The following RFX8 variants were observed in gnomAD, a reference collection of about 807,000 sequenced individuals.
RFX8 encodes DNA-binding protein RFX8.
RFX8 carries 46 observed loss-of-function variants against 54.6 expected under a neutral mutation model. The observed-to-expected ratio is 0.84, with a 90% CI of 0.67 to 1.08. The LOEUF is 1.08. Among genes scored for constraint, RFX8 ranks in the 50% least tolerant of loss-of-function variants. RFX8 has a pLI of 0.00. For missense variants in RFX8, 536 were observed against 562.3 expected, an observed-to-expected ratio of 0.95 and a Z score of 0.47; for synonymous variants, 192 against 209.5, an observed-to-expected ratio of 0.92 and a Z score of 0.72.
chr2:101,428,768 A>T (rs116172923), intron 2 of RFX8, among the ~76,000 whole-genome samples: 3,503 of 152,334 alleles, frequency 0.023, 54 homozygotes, highest in Middle Eastern at 0.037. Context: ...AAGGACAGAG[A>T]CTATGTCTGT....
At chr2:101,471,226 C>G (rs907176039) in intron 1 of RFX8, among the ~76,000 whole-genome samples, 14 of 151,860 alleles carry the variant, frequency 9.2e-5, no homozygotes, top group Non-Finnish European at 1.9e-4. Flanking sequence ...CCCAGCTACT[C>G]AGGAGGCTGA....
chr2:101,428,062 G>GC (rs574206997), intron 2 of RFX8, among the ~76,000 whole-genome samples: 202 of 17,370 alleles, frequency 0.012, 1 homozygote, highest in Admixed American at 0.02. Flanking sequence ...GGGAGGCCAA[G>GC]GGGGGCAGAT....
intron 2 of RFX8, among the ~76,000 whole-genome samples, chr2:101,455,093 C>T (rs1688897466): frequency 6.6e-6 from 1 of 150,926 alleles, no homozygotes; most frequent in Admixed American, 6.6e-5. Context: ...TCATTGCTAC[C>T]TCCGCCTCCC....
At chr2:101,440,968 T>A (rs1456658714) in intron 2 of RFX8, among the ~76,000 whole-genome samples, 4 of 90,720 alleles carry the variant, frequency 4.4e-5, no homozygotes, top group African/African-American at 2.0e-4. Context: ...ATGTTGAAAT[T>A]TTTTTTTTTT....
At chr2:101,434,610 AAC>A (rs1687669514) in intron 2 of RFX8, among the ~76,000 whole-genome samples, 1 of 152,168 alleles carries the variant, frequency 6.6e-6, no homozygotes, top group South Asian at 2.1e-4. Flanking sequence ...ATAAAATGAT[AAC>A]AGTTCCCGAT....
At chr2:101,410,299 TAC>T (rs1346548417) in intron 9 of RFX8, among the ~76,000 whole-genome samples, 1 of 150,678 alleles carries the variant, frequency 6.6e-6, no homozygotes, top group African/African-American at 2.4e-5. Flanking sequence ...CACACTCACA[TAC>T]ACACATGCTC....
chr2:101,433,229 C>T (rs992571229), intron 2 of RFX8, among the ~76,000 whole-genome samples: 7 of 152,148 alleles, frequency 4.6e-5, no homozygotes, highest in Non-Finnish European at 7.3e-5. Context: ...ATTTGGTGAC[C>T]GCCCCCCAAG....
At chr2:101,444,434 C>T (rs1222231724) in intron 2 of RFX8, among the ~76,000 whole-genome samples, 1 of 152,186 alleles carries the variant, frequency 6.6e-6, no homozygotes, top group Non-Finnish European at 1.5e-5. Flanking sequence ...TCAAGAGTCT[C>T]CTAACATAAC....
Position 101,420,664 on chromosome 2 carries a change from G to A in RFX8, c.237+1060C>T, listed in dbSNP as rs149475170. Reference sequence around the variant, plus strand: ...CATGCTGCCTTTACCTGCACCATGGGTCCTACCTGGAATCCCTCTCCTACC... The same window carrying A: ...CATGCTGCCTTTACCTGCACCATGGATCCTACCTGGAATCCCTCTCCTACC... On this transcript the variant is annotated intron_variant, in intron 4 of 11. Coordinates refer to ENST00000428343, the MANE Select transcript of RFX8 (RefSeq NM_001145664.2). 1.4e-3 allele frequency among the ~76,000 whole-genome samples: 210 copies of A among 152,234 alleles called. 1 individual carries two copies. The highest frequency in any genetic ancestry group is 2.8e-3 in the Admixed American group (43 of 15,294).
At chr2:101,432,557 A>G (rs2104616438) in intron 2 of RFX8, among the ~76,000 whole-genome samples, 1 of 152,316 alleles carries the variant, frequency 6.6e-6, no homozygotes, top group South Asian at 2.1e-4. Context: ...AGGCCGGAGC[A>G]GGCCTGGAGG....
chr2:101,450,282 G>A (rs3903293), intron 2 of RFX8, among the ~76,000 whole-genome samples: 115,107 of 152,046 alleles, frequency 0.76, 44,503 homozygotes, highest in Middle Eastern at 0.88. Flanking sequence ...ATGCAGTGAC[G>A]CAATCACGGC....
At chr2:101,437,249 C>A (rs1040367454) in intron 2 of RFX8, among the ~76,000 whole-genome samples, 118 of 151,958 alleles carry the variant, frequency 7.8e-4, no homozygotes, top group African/African-American at 2.7e-3. Context: ...CCAGCCTGGG[C>A]AACACAATAA....
chr2:101,469,857 C>T (rs1390063810), intron 1 of RFX8, among the ~76,000 whole-genome samples: 1 of 152,114 alleles, frequency 6.6e-6, no homozygotes, highest in Non-Finnish European at 1.5e-5. Flanking sequence ...GCCAAGAGTC[C>T]TTTCTATGCC....
chr2:101,455,939 A>T (rs1337109297), intron 2 of RFX8, among the ~76,000 whole-genome samples: 1 of 152,146 alleles, frequency 6.6e-6, no homozygotes, highest in African/African-American at 2.4e-5. Context: ...CACATCCCTT[A>T]TAAGTTGTAT....
chr2:101,459,718 C>T (rs1442285763), intron 2 of RFX8, among the ~76,000 whole-genome samples: 1 of 152,154 alleles, frequency 6.6e-6, no homozygotes, highest in Non-Finnish European at 1.5e-5. Flanking sequence ...GCAGTCTGTC[C>T]GTTCTCAGAG....
At chr2:101,454,827 T>G (rs1213463134) in intron 2 of RFX8, among the ~76,000 whole-genome samples, 1 of 152,174 alleles carries the variant, frequency 6.6e-6, no homozygotes, top group Non-Finnish European at 1.5e-5. Flanking sequence ...ATTGTAAAAA[T>G]TTTCTCCCAT....
intron 9 of RFX8, among the ~76,000 whole-genome samples, chr2:101,408,803 G>A (rs1369269793): frequency 6.6e-6 from 1 of 152,184 alleles, no homozygotes; most frequent in Non-Finnish European, 1.5e-5. Flanking sequence ...TGTCTAGGAG[G>A]TTGAAGATCC....
chr2:101,410,489 C>T (rs1287581656), intron 9 of RFX8, 130 bp downstream of exon 9: 3 of 623,252 alleles, frequency 4.8e-6, no homozygotes, highest in Non-Finnish European at 5.8e-6. Flanking sequence ...CCTGCCCTCA[C>T]ACCCAGGCCA....
At chr2:101,465,490 C>T (rs1689522531) in intron 2 of RFX8, among the ~76,000 whole-genome samples, 2 of 151,996 alleles carry the variant, frequency 1.3e-5, no homozygotes, top group Admixed American at 1.3e-4. Context: ...AGCCTGGCGA[C>T]AGGGCAAGAC....
Sources: gnomAD v4.1 joint callset for allele counts (sites outside exome capture counted in the v4.1 genomes callset) on GRCh38, gnomAD v4.1.1 for gene constraint, MANE v1.5 for transcripts, NCBI Gene and HGNC (gene_info 2026-07-23, HGNC 2026-07-21) for gene names.